TMC1: variants seen among roughly 807,000 people sequenced by gnomAD.
TMC1 encodes transmembrane channel-like protein 1.
A neutral mutation model predicts 105.8 loss-of-function variants in TMC1; 84 were observed. The observed-to-expected ratio is 0.79, with a 90% confidence interval of 0.67 to 0.95. The LOEUF is 0.95. TMC1 is among the 40% of genes least tolerant of loss of function. The pLI is 0.00. For missense variants in TMC1, 817 were observed against 914.1 expected (o/e 0.89, Z 1.37); for synonymous variants, 315 against 311.5 (o/e 1.01, Z -0.12).
intron 1 of TMC1, among the ~76,000 whole-genome samples, chr9:72,542,004 G>T (rs1281853144): frequency 1.3e-5 from 2 of 151,952 alleles, no homozygotes; most frequent in Non-Finnish European, 2.9e-5. Context: ...TCTGGGTGAG[G>T]TATTTGCAAT....
At chr9:72,735,158 T>C (rs1385881108) in intron 8 of TMC1, among the ~76,000 whole-genome samples, 10 of 152,180 alleles carry the variant, frequency 6.6e-5, no homozygotes, top group Admixed American at 6.5e-4. Flanking sequence ...GGGTTACAGC[T>C]CAGAGAGCTG....
intron 1 of TMC1, among the ~76,000 whole-genome samples, chr9:72,538,394 CTTGTATTGTA>C (rs71357577): frequency 0.06 from 8,583 of 143,838 alleles, 301 homozygotes; most frequent in Middle Eastern, 0.087. Flanking sequence ...GGATAAAATA[CTTGTATTGTA>C]TTGTATTGTA....
chr9:72,642,178 T>C (rs1207835986), intron 4 of TMC1, among the ~76,000 whole-genome samples: 7 of 152,166 alleles, frequency 4.6e-5, no homozygotes, highest in African/African-American at 1.7e-4. Flanking sequence ...ACCCAGAATT[T>C]GGCTGGTTTA....
intron 23 of TMC1, among the ~76,000 whole-genome samples, chr9:72,831,418 CTT>C (rs1184769954): frequency 2.0e-5 from 3 of 151,682 alleles, no homozygotes. Flanking sequence ...CTTCAGGCCA[CTT>C]TCTTTTTTCT....
At chr9:72,805,738 T>C (rs1402986544) in intron 18 of TMC1, among the ~76,000 whole-genome samples, 2 of 151,676 alleles carry the variant, frequency 1.3e-5, no homozygotes. Context: ...TAGGGAGTGG[T>C]GATGACTCTT....
intron 2 of TMC1, among the ~76,000 whole-genome samples, chr9:72,584,965 A>G (rs572329861): frequency 6.8e-6 from 1 of 147,974 alleles, no homozygotes; most frequent in Non-Finnish European, 1.5e-5. Context: ...TTGAATTTTT[A>G]GTAGAGATGA....
At position 72,836,066 on chromosome 9, in the gene TMC1, C is replaced by A. The variant is rs184207177; in HGVS notation, c.*93C>A. Reference sequence around the variant, plus strand: ...CGCCCAGAGAACAAGCACTGTGGAACTGCTATTTTCCTGTTCTACCCTTGA... The same window carrying A: ...CGCCCAGAGAACAAGCACTGTGGAAATGCTATTTTCCTGTTCTACCCTTGA... On this transcript the variant is annotated 3_prime_UTR_variant, in exon 24 of 24. Coordinates refer to ENST00000297784, the MANE Select transcript of TMC1 (RefSeq NM_138691.3). The A allele has an allele frequency of 7.0e-7, 1 of 1,426,908 alleles. No individual in the cohort carries two copies. The allele number at this position is 1,426,908 out of a possible 1,614,324, so 88.4% of individuals were successfully genotyped here. A position where few individuals can be genotyped will look rare whatever the true frequency, so the allele number is the denominator to read the frequency against.
intron 8 of TMC1, among the ~76,000 whole-genome samples, chr9:72,737,302 C>T (rs558596392): frequency 2.6e-5 from 4 of 152,296 alleles, no homozygotes; most frequent in East Asian, 1.9e-4. Flanking sequence ...AACAAGGTCA[C>T]GGTTTCAAAA....
rs1826230954 is a variant in TMC1 at position 72,678,125 on chromosome 9, T to C, written c.17-10584T>C. ...TGCAATCAATGTAACTGAGGCAGCA[T>C]GGTATGAAAGCAACCCTGGAGGTGG... On this transcript the variant is annotated intron_variant, in intron 5 of 23. Transcript: ENST00000297784. Among the ~76,000 whole-genome samples, 3 of 152,154 alleles carry C rather than the reference T, an allele frequency of 2.0e-5. No individual in the cohort carries two copies. In the South Asian group the frequency reaches 6.2e-4, roughly 31 times the overall value.
intron 5 of TMC1, among the ~76,000 whole-genome samples, chr9:72,649,722 G>T: frequency 6.6e-6 from 1 of 152,056 alleles, no homozygotes; most frequent in African/African-American, 2.4e-5. Context: ...CTCTTAACAG[G>T]GTGGCGTGGT....
intron 1 of TMC1, among the ~76,000 whole-genome samples, chr9:72,574,947 T>C (rs1169258026): frequency 1.3e-5 from 2 of 152,144 alleles, no homozygotes; most frequent in African/African-American, 2.4e-5. Flanking sequence ...CAGTGCCCCA[T>C]GTTCTTATGG....
chr9:72,687,085 T>C (rs2132182656), intron 5 of TMC1, among the ~76,000 whole-genome samples: 1 of 152,292 alleles, frequency 6.6e-6, no homozygotes, highest in South Asian at 2.1e-4. Flanking sequence ...GATTTCCTTA[T>C]ATTTTTGTTC....
In TMC1 at chr9:72,805,466, A is replaced by C; in HGVS notation, c.1651A>C (p.Arg551=). 1 of 1,612,746 alleles carries C rather than the reference A, an allele frequency of 6.2e-7. No individual in the cohort carries two copies. The highest frequency in any genetic ancestry group is 8.5e-7 in the Non-Finnish European group (1 of 1,179,624). Residue 551 remains arginine (R), a synonymous_variant, in exon 18 of 24, where the codon AGG becomes CGG. Coordinates refer to ENST00000297784, the MANE Select transcript of TMC1 (RefSeq NM_138691.3). ...GGACTTTCTAAGGGCATGTTTTGTGAGGTTTTGCAATTATTGCTGGTGCTG... is the reference window on the plus strand; with the variant it reads ...GGACTTTCTAAGGGCATGTTTTGTGCGGTTTTGCAATTATTGCTGGTGCTG... The part of the protein sequence containing the change: ...IGDFLRACFV[R]FCNYCWCWDL...
rs1443025357 is a variant in TMC1 at position 72,806,424 on chromosome 9, C to T, written c.1695+914C>T. On this transcript the variant is annotated intron_variant, in intron 18 of 23. Coordinates refer to ENST00000297784, the MANE Select transcript of TMC1 (RefSeq NM_138691.3). ...CTGACGCCCCCACCTCCCTCCCGGA[C>T]GGGGTGGCTGCCGGGCGGAGACGCT... Among the ~76,000 whole-genome samples the T allele has an allele frequency of 4.1e-3, 611 of 150,164 alleles. 15 individuals are homozygous for T. Among genetic ancestry groups the T allele is most frequent in the African/African-American group, 0.014 (579 of 40,640 alleles).
At chr9:72,689,146 G>T (rs1826421490) in intron 6 of TMC1, among the ~76,000 whole-genome samples, 1 of 152,052 alleles carries the variant, frequency 6.6e-6, no homozygotes, top group Admixed American at 6.6e-5. Context: ...AATATGATTG[G>T]ACGAAAAGGG....
intron 4 of TMC1, among the ~76,000 whole-genome samples, chr9:72,647,141 C>CAAA (rs1196322492): frequency 3.6e-5 from 2 of 55,974 alleles, no homozygotes; most frequent in Non-Finnish European, 3.9e-5. Context: ...GACTCCATCT[C>CAAA]AAAAAAAAAA....
At chr9:72,787,744 G>C (rs938057548) in intron 13 of TMC1, among the ~76,000 whole-genome samples, 2 of 151,486 alleles carry the variant, frequency 1.3e-5, no homozygotes, top group African/African-American at 4.9e-5. Flanking sequence ...AAAACCACTT[G>C]GCATTCAGGT....
In TMC1 at chr9:72,805,415, A is replaced by G; in HGVS notation, c.1600A>G (p.Thr534Ala). ...GAGGCTGACAGTCTCTGATGTTCTGACCACCTACGTCACAATCCTCATTGG... is the reference window on the plus strand; with the variant it reads ...GAGGCTGACAGTCTCTGATGTTCTGGCCACCTACGTCACAATCCTCATTGG... ...FVRLTVSDVL[T>A]TYVTILIGDF... The change falls in exon 18 of 24, where the codon ACC becomes GCC. Residue 534 changes from threonine (T) to alanine (A), a missense_variant. By Grantham distance (58) the Thr-to-Ala change is moderately conservative. Coordinates refer to ENST00000297784, the MANE Select transcript of TMC1 (RefSeq NM_138691.3). 6.2e-7 allele frequency: 1 copy of G among 1,613,942 alleles called. No individual in the cohort carries two copies. The highest frequency in any genetic ancestry group is 8.5e-7 in the Non-Finnish European group (1 of 1,179,950).
chr9:72,739,969 C>T (rs1827360289), intron 8 of TMC1, 150 bp from the exon 9 acceptor site: 4 of 614,816 alleles, frequency 6.5e-6, no homozygotes, highest in Non-Finnish European at 1.1e-5. Context: ...TTGAAAATTT[C>T]TAGGTTATGA....
Sources: allele counts gnomAD v4.1 joint callset (sites outside exome capture counted in the v4.1 genomes callset), GRCh38; gene constraint gnomAD v4.1.1; transcripts MANE v1.5; gene names NCBI Gene and HGNC (gene_info 2026-07-23, HGNC 2026-07-21).